Variants in CNTNAP2 observed in about 807,000 individuals in gnomAD.
The protein encoded by CNTNAP2 is contactin associated protein 2.
Under a neutral mutation model 155.2 loss-of-function variants are expected in CNTNAP2, and 98 were observed. That is an observed-to-expected ratio of 0.63 (90% CI 0.54 to 0.75). CNTNAP2 has a LOEUF of 0.75. Ranked by LOEUF, CNTNAP2 falls within the 30% of genes least tolerant of loss-of-function variation. The pLI, the probability that CNTNAP2 is intolerant of heterozygous loss-of-function variation, is 0.00. For synonymous variants in CNTNAP2, 651 were observed against 631.2 expected (o/e 1.03, Z -0.47); for missense variants, 1,727 against 1,688.1 (o/e 1.02, Z -0.40).
At chr7:147,137,792 A>G (rs1334962052) in intron 8 of CNTNAP2, among the ~76,000 whole-genome samples, 1 of 151,830 alleles carries the variant, frequency 6.6e-6, no homozygotes, top group African/African-American at 2.4e-5. Context: ...CGCACCATCT[A>G]TGTAATTTTA....
At chr7:147,066,345 C>T (rs966465473) in intron 4 of CNTNAP2, among the ~76,000 whole-genome samples, 5 of 152,138 alleles carry the variant, frequency 3.3e-5, no homozygotes, top group Admixed American at 6.5e-5. Context: ...TTGCCAAATC[C>T]GGGATGAGAA....
intron 12 of CNTNAP2, among the ~76,000 whole-genome samples, chr7:147,584,495 G>A (rs548392677): frequency 6.6e-6 from 1 of 152,080 alleles, no homozygotes. Flanking sequence ...TTCAAATTCT[G>A]TCCTAATAGC....
intron 12 of CNTNAP2, among the ~76,000 whole-genome samples, chr7:147,631,613 G>C (rs1464736563): frequency 6.6e-6 from 1 of 152,126 alleles, no homozygotes; most frequent in African/African-American, 2.4e-5. Context: ...AAACAGGATG[G>C]TACTGGTGTA....
At chr7:146,657,901 G>A (rs887629374) in intron 1 of CNTNAP2, among the ~76,000 whole-genome samples, 35 of 151,152 alleles carry the variant, frequency 2.3e-4, no homozygotes, top group African/African-American at 7.8e-4. Flanking sequence ...TTTTCTTTTT[G>A]ACAAAATAAG....
At chr7:147,063,489 G>C (rs996103801) in intron 4 of CNTNAP2, among the ~76,000 whole-genome samples, 1 of 152,106 alleles carries the variant, frequency 6.6e-6, no homozygotes, top group East Asian at 1.9e-4. Context: ...GGGAGGAGGA[G>C]ATAACAGCAA....
chr7:146,593,343 C>A (rs1305422217), intron 1 of CNTNAP2, among the ~76,000 whole-genome samples: 1 of 151,860 alleles, frequency 6.6e-6, no homozygotes, highest in Non-Finnish European at 1.5e-5. Context: ...GTTGAACCAG[C>A]CCTTCATGTT....
intron 21 of CNTNAP2, among the ~76,000 whole-genome samples, chr7:148,273,831 G>A (rs1039237407): frequency 6.6e-6 from 1 of 152,116 alleles, no homozygotes; most frequent in Non-Finnish European, 1.5e-5. Flanking sequence ...GAAGTGGCTA[G>A]TAGCCCCTAT....
intron 3 of CNTNAP2, among the ~76,000 whole-genome samples, chr7:147,028,332 C>G (rs960074367): frequency 6.6e-6 from 1 of 152,004 alleles, no homozygotes; most frequent in African/African-American, 2.4e-5. Flanking sequence ...TTTGGGAGGT[C>G]AATACAAAAT....
At chr7:147,105,030 C>G (rs1406465206) in intron 4 of CNTNAP2, among the ~76,000 whole-genome samples, 1 of 150,628 alleles carries the variant, frequency 6.6e-6, no homozygotes. Flanking sequence ...GGTTGGGATT[C>G]ACTCTCTACT....
intron 8 of CNTNAP2, among the ~76,000 whole-genome samples, chr7:147,252,477 T>C (rs1804220980): frequency 6.6e-6 from 1 of 152,318 alleles, no homozygotes; most frequent in South Asian, 2.1e-4. Context: ...TTTTATCTTT[T>C]GTTCACTTTT....
chr7:146,225,880 T>C (rs1400666771), intron 1 of CNTNAP2, among the ~76,000 whole-genome samples: 2 of 152,244 alleles, frequency 1.3e-5, no homozygotes, highest in Non-Finnish European at 2.9e-5. Context: ...TGTTTATTAC[T>C]AACCTAAATT....
chr7:147,025,889 T>C (rs1298846724), intron 3 of CNTNAP2, among the ~76,000 whole-genome samples: 1 of 151,838 alleles, frequency 6.6e-6, no homozygotes, highest in Non-Finnish European at 1.5e-5. Context: ...TTTTTTAATT[T>C]GTTGAGATCA....
At chr7:147,978,208 T>C (rs1801464760) in intron 15 of CNTNAP2, 1 of 575,450 alleles carries the variant, frequency 1.7e-6, no homozygotes, top group African/African-American at 1.9e-5. Context: ...CCATCTTTCC[T>C]CTATATTCAT....
At chr7:146,862,434 AAAAAAG>A (rs1295687869) in intron 3 of CNTNAP2, among the ~76,000 whole-genome samples, 2 of 142,150 alleles carry the variant, frequency 1.4e-5, no homozygotes, top group Admixed American at 1.3e-4. Flanking sequence ...TTCCTTGTTA[AAAAAAG>A]AAAAAGAAAG....
chr7:146,536,585 C>A (rs1336713784), intron 1 of CNTNAP2, among the ~76,000 whole-genome samples: 1 of 148,396 alleles, frequency 6.7e-6, no homozygotes, highest in Admixed American at 6.7e-5. Context: ...CTGCCTCCCC[C>A]ATGTTCCCCC....
rs1329864777 is a variant in CNTNAP2 at position 148,217,289 on chromosome 7, T to C, written c.3012T>C (p.Asp1004=). The change falls in exon 19 of 24, where the codon GAT becomes GAC. Residue 1004 remains aspartate, a splice_region_variant and synonymous_variant. Transcript: ENST00000361727. ...TAYDGTFCNK[D]VGAFFEEGMW... is the part of the protein sequence containing the mutation. Reference sequence around the variant, plus strand: ...AATTCTCTCTCTCCTTTATAACAGATGTTGGTGCATTTTTTGAAGAAGGGA... The same window carrying C: ...AATTCTCTCTCTCCTTTATAACAGACGTTGGTGCATTTTTTGAAGAAGGGA... 1.9e-6 allele frequency: 3 copies of C among 1,613,884 alleles called. No individual in the cohort carries two copies. The highest frequency in any genetic ancestry group is 2.5e-6 in the Non-Finnish European group (3 of 1,179,936).
rs529657244 is a variant in CNTNAP2, at chr7:146,879,240, G to C, written c.402+39336G>C. On this transcript the variant is annotated intron_variant, in intron 3 of 23. Coordinates refer to ENST00000361727, the MANE Select transcript of CNTNAP2 (RefSeq NM_014141.6). Reference sequence around the variant, plus strand: ...ATTCTAGTTACTATTATCAATAGATGTTGGCATAGATGATAAACTTCCTTT... The same window carrying C: ...ATTCTAGTTACTATTATCAATAGATCTTGGCATAGATGATAAACTTCCTTT... Among the ~76,000 whole-genome samples, 182 of 152,238 alleles carry C rather than the reference G, an allele frequency of 1.2e-3. 4 individuals carry two copies. Among genetic ancestry groups the C allele is most frequent in the Admixed American group, 9.4e-3 (143 of 15,264 alleles).
At position 147,960,570 on chromosome 7, in the gene CNTNAP2, G is replaced by A. The variant is rs570173663; in HGVS notation, c.2256-17292G>A. ...CACAATAATGATACTAATAGGCAGT[G>A]TCCTGTACATTGTAATTGTACAATA... On this transcript the variant is annotated intron_variant, in intron 14 of 23. Coordinates refer to ENST00000361727, the MANE Select transcript of CNTNAP2 (RefSeq NM_014141.6). 8.5e-5 allele frequency among the ~76,000 whole-genome samples: 13 copies of A among 152,298 alleles called. No individual in the cohort carries two copies. The South Asian group carries it at 2.7e-3, about 32-fold the overall frequency.
intron 13 of CNTNAP2, among the ~76,000 whole-genome samples, chr7:147,742,931 G>T (rs1796977774): frequency 6.6e-6 from 1 of 152,156 alleles, no homozygotes; most frequent in Non-Finnish European, 1.5e-5. Flanking sequence ...GAAGCCTCGA[G>T]AAACTGAAAA....
Sources: gnomAD v4.1 joint callset for allele counts (sites outside exome capture counted in the v4.1 genomes callset) on GRCh38, gnomAD v4.1.1 for gene constraint, MANE v1.5 for transcripts, NCBI Gene and HGNC (gene_info 2026-07-23, HGNC 2026-07-21) for gene names.